The following BRD10 variants were observed in gnomAD, a reference collection of about 807,000 sequenced individuals.
BRD10 encodes the protein uncharacterized bromodomain-containing protein 10.
the BRD10 span, among the ~76,000 whole-genome samples, chr9:6,005,655 T>C: frequency 6.6e-6 from 1 of 152,228 alleles, no homozygotes; most frequent in African/African-American, 2.4e-5. Flanking sequence ...TTAGATGAAC[T>C]CTAAGGTTCT....
the BRD10 span, among the ~76,000 whole-genome samples, chr9:5,959,983 C>T: frequency 2.6e-5 from 4 of 152,274 alleles, no homozygotes; most frequent in East Asian, 7.7e-4. Context: ...CTTAATTATA[C>T]CTCTATGCTT....
the BRD10 span, among the ~76,000 whole-genome samples, chr9:5,917,375 A>G: frequency 2.0e-5 from 3 of 152,234 alleles, no homozygotes; most frequent in Admixed American, 6.5e-5. Flanking sequence ...AAAGAAAATT[A>G]GAGTACAGTG....
chr9:5,994,831 T>C, the BRD10 span, among the ~76,000 whole-genome samples: 1 of 152,100 alleles, frequency 6.6e-6, no homozygotes, highest in African/African-American at 2.4e-5. Context: ...GTACCTAATA[T>C]GACTTCTTTG....
At chr9:5,950,485 C>A in the BRD10 span, among the ~76,000 whole-genome samples, 3 of 152,172 alleles carry the variant, frequency 2.0e-5, no homozygotes, top group Non-Finnish European at 4.4e-5. Flanking sequence ...AGCTGGCATT[C>A]AAACCCAAGT....
At chr9:5,946,525 G>T in the BRD10 span, among the ~76,000 whole-genome samples, 87,412 of 151,752 alleles carry the variant, frequency 0.58, 26,832 homozygotes, top group Non-Finnish European at 0.71. Flanking sequence ...TTGGAACAAT[G>T]TTGTCCCTAC....
the BRD10 span, among the ~76,000 whole-genome samples, chr9:5,987,935 G>C: frequency 3.9e-5 from 6 of 152,116 alleles, no homozygotes; most frequent in African/African-American, 1.4e-4. Context: ...CAGTTATCCA[G>C]GATATTAATT....
At chr9:6,007,840 G>T in the BRD10 span, 1 of 1,392,140 alleles carries the variant, frequency 7.2e-7, no homozygotes, top group Non-Finnish European at 9.3e-7. Context: ...AGGTGCTGGG[G>T]GACGCGTGAG....
the BRD10 span, among the ~76,000 whole-genome samples, chr9:5,959,792 GAT>G: frequency 6.6e-6 from 1 of 152,084 alleles, no homozygotes; most frequent in Admixed American, 6.6e-5. Flanking sequence ...TTACACATCT[GAT>G]ATATCTTATT....
At chr9:6,004,402 C>T in the BRD10 span, among the ~76,000 whole-genome samples, 1 of 152,300 alleles carries the variant, frequency 6.6e-6, no homozygotes, top group East Asian at 1.9e-4. Context: ...CTAACACCCT[C>T]ATTATACAGA....
the BRD10 span, among the ~76,000 whole-genome samples, chr9:5,986,552 C>G: frequency 3.3e-5 from 5 of 152,204 alleles, no homozygotes; most frequent in Non-Finnish European, 1.5e-5. Flanking sequence ...CTGTCTTCCA[C>G]AACGGCTGAA....
the BRD10 span, chr9:5,969,215 G>C: frequency 2.5e-6 from 4 of 1,613,414 alleles, no homozygotes; most frequent in Non-Finnish European, 3.4e-6. Flanking sequence ...CGATAGAAAA[G>C]CATTACACTG....
At chr9:5,991,662 T>A in the BRD10 span, among the ~76,000 whole-genome samples, 2 of 148,678 alleles carry the variant, frequency 1.3e-5, no homozygotes, top group Non-Finnish European at 3.0e-5. Context: ...GAGGCGGAGG[T>A]TGCAGTGAGC....
At chr9:5,954,050 G>A in the BRD10 span, 3 of 1,568,842 alleles carry the variant, frequency 1.9e-6, no homozygotes, top group East Asian at 6.9e-5. Flanking sequence ...CTTTATGACA[G>A]TTTTCCTCTT....
chr9:5,991,137 A>T, the BRD10 span, among the ~76,000 whole-genome samples: 1 of 150,224 alleles, frequency 6.7e-6, no homozygotes, highest in East Asian at 2.0e-4. Context: ...TTTTTAACCC[A>T]AAAATAATTA....
chr9:5,929,219 T>C, the BRD10 span: 1 of 892,100 alleles, frequency 1.1e-6, no homozygotes, highest in Non-Finnish European at 1.8e-6. Flanking sequence ...TGTCAAAACT[T>C]ATTTTCTGAG....
the BRD10 span, among the ~76,000 whole-genome samples, chr9:5,982,050 T>TATGC: frequency 6.9e-6 from 1 of 143,948 alleles, no homozygotes; most frequent in African/African-American, 2.5e-5. Flanking sequence ...TGTATGTATG[T>TATGC]GTGTGTATAT....
At chr9:5,904,601 T>C in the BRD10 span, among the ~76,000 whole-genome samples, 1 of 151,932 alleles carries the variant, frequency 6.6e-6, no homozygotes, top group Admixed American at 6.6e-5. Context: ...GCCTCCTGAG[T>C]AGCTGAGATT....
At chr9:5,880,373 G>A in the BRD10 span, among the ~76,000 whole-genome samples, 6 of 152,070 alleles carry the variant, frequency 3.9e-5, no homozygotes, top group South Asian at 6.2e-4. Flanking sequence ...TTAGCCGGGC[G>A]TCATGGCACG....
chr9:5,940,043 G>A, the BRD10 span, among the ~76,000 whole-genome samples: 5 of 152,174 alleles, frequency 3.3e-5, no homozygotes, highest in African/African-American at 1.2e-4. Flanking sequence ...TTAGGTAAGA[G>A]AAGTATTATT....
Sources: gnomAD v4.1 joint callset for allele counts (sites outside exome capture counted in the v4.1 genomes callset) on GRCh38, gnomAD v4.1.1 for gene constraint, MANE v1.5 for transcripts, NCBI Gene and HGNC (gene_info 2026-07-23, HGNC 2026-07-21) for gene names.